RPS6KL1: variants seen among roughly 807,000 people sequenced by gnomAD.
RPS6KL1 encodes ribosomal protein S6 kinase-like 1.
A neutral mutation model predicts 57.0 loss-of-function variants in RPS6KL1; 41 were observed. That is an observed-to-expected ratio of 0.72 (90% CI 0.56 to 0.93). RPS6KL1 has a LOEUF of 0.93. Ranked by LOEUF, RPS6KL1 falls within the 40% of genes least tolerant of loss-of-function variation. RPS6KL1 has a pLI of 0.00. For missense variants in RPS6KL1, 697 were observed against 727.7 expected, an observed-to-expected ratio of 0.96 and a Z score of 0.49; for synonymous variants, 287 against 309.7, an observed-to-expected ratio of 0.93 and a Z score of 0.77.
Position 74,906,283 on chromosome 14 carries a change from C to A in RPS6KL1, c.*731G>T. On this transcript the variant is annotated 3_prime_UTR_variant, in exon 12 of 12. Coordinates refer to ENST00000557413, the MANE Select transcript of RPS6KL1 (RefSeq NM_031464.5). ...GGAGGAGGACTCTTGATTCTGGTTTCAGACTTGCTCTAAGGGGCAGACCCA... is the reference window on the plus strand; with the variant it reads ...GGAGGAGGACTCTTGATTCTGGTTTAAGACTTGCTCTAAGGGGCAGACCCA... The A allele has an allele frequency of 3.1e-6, 1 of 324,056 alleles. No homozygotes were observed. Among genetic ancestry groups the A allele is most frequent in the South Asian group, 2.4e-5 (1 of 41,040 alleles). The allele number at this position is 324,056 out of a possible 1,614,324, so 20.1% of individuals were successfully genotyped here. A position where few individuals can be genotyped will look rare whatever the true frequency, so the allele number is the denominator to read the frequency against.
intron 3 of RPS6KL1, 39 bp downstream of exon 3, chr14:74,921,238 T>TGGCCCCCCCCCCCCCCC: frequency 2.4e-6 from 2 of 840,180 alleles, no homozygotes; most frequent in East Asian, 2.6e-5. Flanking sequence ...CACTGGCCCT[T>TGGCCCCCCCCCCCCCCC]CCCCACCCAC....
intron 3 of RPS6KL1, 34 bp downstream of exon 3, chr14:74,921,243 A>ACCCAC: frequency 3.1e-6 from 2 of 639,772 alleles, no homozygotes; most frequent in Non-Finnish European, 5.2e-6. Context: ...GCCCTTCCCC[A>ACCCAC]CCCACCCCAG....
chr14:74,919,162 G>A (rs11629408), intron 4 of RPS6KL1, among the ~76,000 whole-genome samples: 58,355 of 152,076 alleles, frequency 0.38, 11,492 homozygotes, highest in Middle Eastern at 0.43. Flanking sequence ...GTGACAAAGC[G>A]AGACTCCATC....
In RPS6KL1 at chr14:74,919,964, G is replaced by C. The variant is rs930459883; in HGVS notation, c.271C>G (p.Pro91Ala). Residue 91 changes from proline to alanine, a missense_variant, in exon 4 of 12, where the codon CCC (proline) becomes GCC (alanine). By Grantham distance (27) the Pro-to-Ala change is conservative (BLOSUM62 -1). Coordinates refer to ENST00000557413, the MANE Select transcript of RPS6KL1 (RefSeq NM_031464.5). Reference sequence around the variant, plus strand: ...ACAGCCTCACGTCGCTCCTTGTTGGGGTCAACTGTGGGAGACAAGAGTCAC... The same window carrying C: ...ACAGCCTCACGTCGCTCCTTGTTGGCGTCAACTGTGGGAGACAAGAGTCAC... Reference protein sequence around the residue: ...DVLLRGIHVDPNKERREAVKL... With the variant: ...DVLLRGIHVDANKERREAVKL... 2 of 1,614,122 alleles carry C rather than the reference G, an allele frequency of 1.2e-6. No individual in the cohort carries two copies. Among genetic ancestry groups the C allele is most frequent in the Non-Finnish European group, 1.7e-6 (2 of 1,180,010 alleles).
At position 74,905,485 on chromosome 14, in the gene RPS6KL1, CCT is replaced by C. The variant is rs1884633510; in HGVS notation, c.*1527_*1528del. 2.0e-5 allele frequency: 3 copies of C among 152,350 alleles called. No homozygotes were observed. The highest frequency in any genetic ancestry group is 4.1e-4 in the South Asian group (2 of 4,826). The allele number at this position is 152,350 out of a possible 1,614,324, so 9.4% of individuals were successfully genotyped here. On this transcript the variant is annotated 3_prime_UTR_variant, in exon 12 of 12. Coordinates refer to ENST00000557413, the MANE Select transcript of RPS6KL1 (RefSeq NM_031464.5). ...GGTCCTCCCCGACCCCACCCCTTCC[CCT>C]GAGGCCCACATGGCATGCTGCTCAC...
At chr14:74,912,717 A>G (rs1167429289) in intron 5 of RPS6KL1, among the ~76,000 whole-genome samples, 1 of 152,044 alleles carries the variant, frequency 6.6e-6, no homozygotes, top group Non-Finnish European at 1.5e-5. Context: ...CTATGTGAAA[A>G]ACCTGCACAT....
Position 74,911,682 on chromosome 14 carries a change from C to T in RPS6KL1, c.531+112G>A, listed in dbSNP as rs1886022416. Reference sequence around the variant, plus strand: ...GGGCATGTTCAGGCAGAACAACCAGCTTTTGTGGGAGGGAGTGCAGGCTTC... The same window carrying T: ...GGGCATGTTCAGGCAGAACAACCAGTTTTTGTGGGAGGGAGTGCAGGCTTC... On this transcript the variant is annotated intron_variant, in intron 6 of 11. Transcript: ENST00000557413. 6 of 1,045,708 alleles carry T rather than the reference C, an allele frequency of 5.7e-6. No homozygotes were observed. In the East Asian group the frequency reaches 1.6e-4, roughly 27 times the overall value. The allele number at this position is 1,045,708 out of a possible 1,614,324, so 64.8% of individuals were successfully genotyped here.
chr14:74,918,372 A>G (rs934412991), intron 5 of RPS6KL1, 141 bp downstream of exon 5: 2 of 592,090 alleles, frequency 3.4e-6, no homozygotes, highest in African/African-American at 3.8e-5. Context: ...CGCACTCCCC[A>G]CTGACCCCTG....
chr14:74,917,586 C>T (rs1282617431), intron 5 of RPS6KL1, among the ~76,000 whole-genome samples: 2 of 152,240 alleles, frequency 1.3e-5, no homozygotes, highest in Non-Finnish European at 2.9e-5. Context: ...CTCATACTGG[C>T]TGGACTCTGA....
chr14:74,910,114 C>T lies in RPS6KL1; in HGVS notation c.699G>A (p.Ala233=), dbSNP rs754230225. 42 of 1,570,768 alleles carry T rather than the reference C, an allele frequency of 2.7e-5. No individual in the cohort carries two copies. Among genetic ancestry groups the T allele is most frequent in the South Asian group, 7.0e-5 (6 of 85,946 alleles). ...AGCTGAGCCCAGAATGTCGGGAGTG[C>T]GCCTGGGAGAGCAGGTGGGACCAGA... The part of the protein sequence containing the change: ...GTLWSHLLSQ[A]HSRHSGLSSG... The change falls in exon 8 of 12, where the codon GCG becomes GCA. Residue 233 remains alanine (A), a synonymous_variant. Transcript: ENST00000557413.
chr14:74,921,504 C>A lies in RPS6KL1; in HGVS notation c.38G>T (p.Gly13Val), dbSNP rs1887841483. The A allele has an allele frequency of 1.2e-6, 2 of 1,613,998 alleles. No homozygotes were observed. The highest frequency in any genetic ancestry group is 2.2e-5 in the South Asian group (2 of 91,082). The stretch of plus-strand genomic sequence containing the variant: ...TCGTGAGCAAGGCTCAGGCTCCAGG[C>A]CGGGGCTGGGCAGGCACTCACAGGC... ...LVACECLPSP[G>V]LEPEPCSRAR... The change falls in exon 3 of 12, where the codon GGC (glycine) becomes GTC (valine). Residue 13 changes from glycine to valine, a missense_variant. Physicochemically the swap from Gly to Val is moderately radical, Grantham distance 109 (BLOSUM62 -3). Coordinates refer to ENST00000557413, the MANE Select transcript of RPS6KL1 (RefSeq NM_031464.5).
chr14:74,906,216 C>A lies in RPS6KL1; in HGVS notation c.*798G>T. ...AGCTGAATTGCTGTCCTCTTGCACCCCTGGGGCAGGCTGCCCCTCTTCCCC... is the reference window on the plus strand; with the variant it reads ...AGCTGAATTGCTGTCCTCTTGCACCACTGGGGCAGGCTGCCCCTCTTCCCC... On this transcript the variant is annotated 3_prime_UTR_variant, in exon 12 of 12. Transcript: ENST00000557413. 3.5e-6 allele frequency: 1 copy of A among 288,350 alleles called. No individual in the cohort carries two copies. Among genetic ancestry groups the A allele is most frequent in the South Asian group, 3.3e-5 (1 of 30,466 alleles). 17.9% of individuals were successfully genotyped at this position (288,350 alleles called of 1,614,324 possible).
Position 74,914,998 on chromosome 14 carries a change from C to T in RPS6KL1, c.484-3157G>A, listed in dbSNP as rs141541474. On this transcript the variant is annotated intron_variant, in intron 5 of 11. Transcript: ENST00000557413. ...AAGTGTTGGGATTATGGGTGTGAGC[C>T]GCTGCGCCCAGCCCCGCTGACTTCT... 2.7e-3 allele frequency among the ~76,000 whole-genome samples: 416 copies of T among 152,336 alleles called. 3 individuals are homozygous for T. The highest frequency in any genetic ancestry group is 9.6e-3 in the African/African-American group (401 of 41,572).
Position 74,906,251 on chromosome 14 carries a change from C to T in RPS6KL1, c.*763G>A. The T allele has an allele frequency of 3.2e-6, 1 of 308,464 alleles. No individual in the cohort carries two copies. The highest frequency in any genetic ancestry group is 6.5e-6 in the Non-Finnish European group (1 of 154,380). 19.1% of individuals were successfully genotyped at this position (308,464 alleles called of 1,614,324 possible). A position where few individuals can be genotyped will look rare whatever the true frequency, so the allele number is the denominator to read the frequency against. On this transcript the variant is annotated 3_prime_UTR_variant, in exon 12 of 12. Transcript: ENST00000557413. ...GCTGCCCCTCTTCCCCCACACAGGC[C>T]CACTGGGGAGGAGGACTCTTGATTC...
At position 74,909,141 on chromosome 14, in the gene RPS6KL1, C is replaced by A. The variant is rs939665094; in HGVS notation, c.1320G>T (p.Gln440His). Residue 440 changes from glutamine (Q) to histidine (H), a missense_variant, in exon 9 of 12, where the codon CAG (glutamine) becomes CAT (histidine). Physicochemically the swap from Gln to His is conservative, Grantham distance 24. Coordinates refer to ENST00000557413, the MANE Select transcript of RPS6KL1 (RefSeq NM_031464.5). ...YFGQWSEVEP[Q>H]CCGEAVDNLY... The stretch of plus-strand genomic sequence containing the variant: ...GATTGTCCACGGCCTCCCCGCAGCA[C>A]TGGGGCTCCACCTCTGACCACTGGC... 1 of 1,614,110 alleles carries A rather than the reference C, an allele frequency of 6.2e-7. No homozygotes were observed. The highest frequency in any genetic ancestry group is 8.5e-7 in the Non-Finnish European group (1 of 1,180,042).
Position 74,907,407 on chromosome 14 carries a change from T to A in RPS6KL1, c.1539+28A>T, listed in dbSNP as rs981644965. ...CAGCACCTTCCTCAGGCTAGGCAGC[T>A]GCTTCCTCTGGCCGGGCTACACCTC... On this transcript the variant is annotated intron_variant, in intron 11 of 11. Coordinates refer to ENST00000557413, the MANE Select transcript of RPS6KL1 (RefSeq NM_031464.5). 8 of 1,551,976 alleles carry A rather than the reference T, an allele frequency of 5.2e-6. No individual in the cohort carries two copies. The African/African-American group carries it at 1.1e-4, about 21-fold the overall frequency.
Position 74,907,510 on chromosome 14 carries a change from AG to A in RPS6KL1, c.1463del (p.Pro488LeufsTer24). On this transcript the variant is annotated frameshift_variant, in exon 11 of 12. Transcript: ENST00000557413. LOFTEE classifies it high-confidence loss of function. ...LTGMALSQSH[P>X]SGIQAHTQLQ... ...GCTGGGTGTGGGCCTGGATTCCTGA[AG>A]GGTGGCTCTGGGACAGTGCCTGGGA... is the stretch of plus-strand genomic sequence containing the variant. 1 of 1,581,300 alleles carries A rather than the reference AG, an allele frequency of 6.3e-7. No individual in the cohort carries two copies. Among genetic ancestry groups the A allele is most frequent in the Non-Finnish European group, 8.6e-7 (1 of 1,163,524 alleles).
At chr14:74,914,844 T>C (rs1886585064) in intron 5 of RPS6KL1, among the ~76,000 whole-genome samples, 1 of 152,220 alleles carries the variant, frequency 6.6e-6, no homozygotes, top group Non-Finnish European at 1.5e-5. Flanking sequence ...TCCCAAGTAG[T>C]TGGGATTCCA....
chr14:74,911,936 C>A, intron 5 of RPS6KL1, 95 bp from the exon 6 acceptor site: 1 of 1,036,008 alleles, frequency 9.7e-7, no homozygotes, highest in South Asian at 1.4e-5. Context: ...TCCACTGAGG[C>A]TGACTCACTC....
Sources: allele counts gnomAD v4.1 joint callset (sites outside exome capture counted in the v4.1 genomes callset), GRCh38; gene constraint gnomAD v4.1.1; transcripts MANE v1.5; gene names NCBI Gene and HGNC (gene_info 2026-07-23, HGNC 2026-07-21).